The following AKAP6 variants were observed in gnomAD, a reference collection of about 807,000 sequenced individuals.
The protein encoded by AKAP6 is A-kinase anchoring protein 6, also known as A-kinase anchor protein 6.
AKAP6 carries 58 observed loss-of-function variants against 188.5 expected under a neutral mutation model. The ratio of observed to expected loss-of-function variants is 0.31; its 90% confidence interval spans 0.25 to 0.38. The LOEUF (loss-of-function observed/expected upper bound fraction) is 0.38, where lower values mean the gene tolerates loss of function less well. Ranked by LOEUF, AKAP6 falls within the 10% of genes least tolerant of loss-of-function variation. AKAP6 has a pLI of 1.00. For missense variants in AKAP6, 2,710 were observed against 2,740.0 expected (o/e 0.99, Z 0.24); for synonymous variants, 989 against 998.6 (o/e 0.99, Z 0.18).
intron 4 of AKAP6, among the ~76,000 whole-genome samples, chr14:32,555,167 C>G (rs1376418543): frequency 6.6e-6 from 1 of 152,182 alleles, no homozygotes; most frequent in Non-Finnish European, 1.5e-5. Context: ...AGTTCTTCCT[C>G]TTTGTAACTA....
chr14:32,558,686 C>G (rs1490676826), intron 4 of AKAP6, among the ~76,000 whole-genome samples: 1 of 152,170 alleles, frequency 6.6e-6, no homozygotes, highest in Non-Finnish European at 1.5e-5. Context: ...GTCTCTTTCT[C>G]TTTTACCTAG....
intron 1 of AKAP6, among the ~76,000 whole-genome samples, chr14:32,387,972 G>T (rs1042259089): frequency 1.3e-5 from 2 of 151,832 alleles, no homozygotes; most frequent in Non-Finnish European, 2.9e-5. Context: ...GAATCCATCT[G>T]GTCCTGGATT....
At chr14:32,623,350 T>C (rs576152364) in intron 7 of AKAP6, among the ~76,000 whole-genome samples, 27 of 152,186 alleles carry the variant, frequency 1.8e-4, no homozygotes, top group Non-Finnish European at 3.8e-4. Context: ...TGCTTATGAT[T>C]TACTCTTGTT....
At chr14:32,619,503 G>T (rs1379117806) in intron 7 of AKAP6, among the ~76,000 whole-genome samples, 1 of 151,924 alleles carries the variant, frequency 6.6e-6, no homozygotes, top group Non-Finnish European at 1.5e-5. Flanking sequence ...TTTATTTCTG[G>T]ATTCTCTATT....
At chr14:32,392,083 C>G (rs959867051) in intron 1 of AKAP6, among the ~76,000 whole-genome samples, 3 of 152,068 alleles carry the variant, frequency 2.0e-5, no homozygotes, top group Admixed American at 2.0e-4. Context: ...AATAAATGAA[C>G]CTAACTATCA....
chr14:32,786,296 ATCTTTTTT>A (rs1354578016), intron 12 of AKAP6, among the ~76,000 whole-genome samples: 6,571 of 93,650 alleles, frequency 0.07, 356 homozygotes, highest in East Asian at 0.27. Context: ...CTAAACCTTT[ATCTTTTTT>A]TTTTTTTTTT....
rs141588942 is a variant in AKAP6, at chr14:32,519,363, A to G, written c.325-16191A>G. On this transcript the variant is annotated intron_variant, in intron 2 of 13. Coordinates refer to ENST00000280979, the MANE Select transcript of AKAP6 (RefSeq NM_004274.5). Reference sequence around the variant, plus strand: ...ATAACAATATTAACCGTAAGTGTAAATGGGCTAAATGCTCCAATTAAAAGA... The same window carrying G: ...ATAACAATATTAACCGTAAGTGTAAGTGGGCTAAATGCTCCAATTAAAAGA... 8.8e-3 allele frequency among the ~76,000 whole-genome samples: 1,340 copies of G among 152,314 alleles called. 11 individuals carry two copies. Among genetic ancestry groups the G allele is most frequent in the African/African-American group, 0.019 (789 of 41,560 alleles).
chr14:32,679,676 CAG>C (rs1489900724), intron 8 of AKAP6, among the ~76,000 whole-genome samples: 1 of 152,088 alleles, frequency 6.6e-6, no homozygotes, highest in Non-Finnish European at 1.5e-5. Flanking sequence ...CTTAGTCATT[CAG>C]AGTCATAATT....
intron 7 of AKAP6, among the ~76,000 whole-genome samples, chr14:32,605,143 A>G (rs1422129407): frequency 6.6e-6 from 1 of 151,844 alleles, no homozygotes; most frequent in Non-Finnish European, 1.5e-5. Flanking sequence ...AGAGACAAAT[A>G]ATTTTAATAA....
At position 32,824,778 on chromosome 14, in the gene AKAP6, T is replaced by C. The variant is rs763384648; in HGVS notation, c.*5T>C. Reference sequence around the variant, plus strand: ...CATAGAAATATGCATAGGTAGAATGTACCCCCTCCCCAAGCATGAAAATCA... The same window carrying C: ...CATAGAAATATGCATAGGTAGAATGCACCCCCTCCCCAAGCATGAAAATCA... On this transcript the variant is annotated 3_prime_UTR_variant, in exon 13 of 14. Transcript: ENST00000280979. 5 of 1,605,214 alleles carry C rather than the reference T, an allele frequency of 3.1e-6. No individual in the cohort carries two copies. The South Asian group carries it at 3.3e-5, about 11-fold the overall frequency.
intron 5 of AKAP6, among the ~76,000 whole-genome samples, chr14:32,584,409 T>C (rs1307444821): frequency 6.6e-6 from 1 of 152,170 alleles, no homozygotes; most frequent in East Asian, 1.9e-4. Flanking sequence ...ACTTATGAAT[T>C]TTTTATGTCT....
In AKAP6 at chr14:32,479,827, C is replaced by T. The variant is rs138047909; in HGVS notation, c.324+46010C>T. On this transcript the variant is annotated intron_variant, in intron 2 of 13. Coordinates refer to ENST00000280979, the MANE Select transcript of AKAP6 (RefSeq NM_004274.5). ...TCAGAAAGAGGACCCTTGCCACACA[C>T]TGAATCTACTGGCACCTTGATCTGG... 1.3e-3 allele frequency among the ~76,000 whole-genome samples: 193 copies of T among 152,300 alleles called. 1 individual carries two copies. Among genetic ancestry groups the T allele is most frequent in the African/African-American group, 4.5e-3 (185 of 41,560 alleles).
chr14:32,824,587 A>G lies in AKAP6; in HGVS notation c.6774A>G (p.Lys2258=). ...KLDSEKESSG[K]PGESGMPEEH... is the part of the protein sequence containing the mutation. ...ACAGTGAAAAGGAAAGTTCCGGAAA[A>G]CCAGGTGAATCTGGAATGCCAGAAG... The change falls in exon 13 of 14, where the codon AAA becomes AAG. Residue 2258 remains lysine, a synonymous_variant. Coordinates refer to ENST00000280979, the MANE Select transcript of AKAP6 (RefSeq NM_004274.5). 1.9e-6 allele frequency: 3 copies of G among 1,613,914 alleles called. No homozygotes were observed. Among genetic ancestry groups the G allele is most frequent in the Non-Finnish European group, 8.5e-7 (1 of 1,179,928 alleles).
At chr14:32,762,760 T>G (rs1198698707) in intron 11 of AKAP6, among the ~76,000 whole-genome samples, 1 of 152,088 alleles carries the variant, frequency 6.6e-6, no homozygotes, top group Non-Finnish European at 1.5e-5. Context: ...CATCCAAGGA[T>G]CTTCAAGAAT....
intron 2 of AKAP6, among the ~76,000 whole-genome samples, chr14:32,466,827 T>TTTTATATATATATATATA (rs1555331122): frequency 2.6e-5 from 3 of 115,116 alleles, no homozygotes; most frequent in East Asian, 2.6e-4. Context: ...AAAAACAAGA[T>TTTTATATATATATATATA]TATATATATA....
At chr14:32,472,580 G>A (rs1437415507) in intron 2 of AKAP6, among the ~76,000 whole-genome samples, 1 of 152,176 alleles carries the variant, frequency 6.6e-6, no homozygotes, top group Non-Finnish European at 1.5e-5. Flanking sequence ...TTTGCTGAGA[G>A]GCATTGTGGA....
intron 9 of AKAP6, chr14:32,718,326 C>A: frequency 9.1e-6 from 9 of 985,240 alleles, no homozygotes; most frequent in Non-Finnish European, 1.1e-5. Context: ...GCGTTTAAGC[C>A]TTAAAGCCTA....
At chr14:32,486,516 T>C (rs1327957767) in intron 2 of AKAP6, among the ~76,000 whole-genome samples, 3 of 152,208 alleles carry the variant, frequency 2.0e-5, no homozygotes, top group Non-Finnish European at 1.5e-5. Flanking sequence ...TAGTTCTCCT[T>C]GAAGAGATCC....
chr14:32,408,016 G>T (rs1889354091), intron 1 of AKAP6, among the ~76,000 whole-genome samples: 1 of 152,168 alleles, frequency 6.6e-6, no homozygotes, highest in South Asian at 2.1e-4. Flanking sequence ...CTTTCTAGGG[G>T]ATGTCAGAAT....
Sources: gnomAD v4.1 joint callset for allele counts (sites outside exome capture counted in the v4.1 genomes callset) on GRCh38, gnomAD v4.1.1 for gene constraint, MANE v1.5 for transcripts, NCBI Gene and HGNC (gene_info 2026-07-23, HGNC 2026-07-21) for gene names.